Variants in REV3L observed in about 807,000 individuals in gnomAD.
REV3L encodes REV3 like, DNA directed polymerase zeta catalytic subunit.
In REV3L, 69 loss-of-function variants were observed where a neutral mutation model predicts 299.4. The ratio of observed to expected loss-of-function variants is 0.23; its 90% CI spans 0.19 to 0.28. The LOEUF is 0.28. Ranked by LOEUF, REV3L falls within the 10% of genes least tolerant of loss-of-function variation. The pLI, the probability that REV3L is intolerant of heterozygous loss-of-function variation, is 1.00. For missense variants in REV3L, 3,128 were observed against 3,693.8 expected, an observed-to-expected ratio of 0.85 and a Z score of 3.97; for synonymous variants, 1,238 against 1,271.4, an observed-to-expected ratio of 0.97 and a Z score of 0.56.
At chr6:111,322,006 G>A (rs140999336) in intron 26 of REV3L, among the ~76,000 whole-genome samples, 2 of 152,230 alleles carry the variant, frequency 1.3e-5, no homozygotes, top group African/African-American at 2.4e-5. Context: ...TATTAATAAC[G>A]TGCCTTCAAA....
At chr6:111,384,366 G>C (rs1413453755) in intron 9 of REV3L, among the ~76,000 whole-genome samples, 1 of 152,022 alleles carries the variant, frequency 6.6e-6, no homozygotes, top group Non-Finnish European at 1.5e-5. Context: ...CATCTGACAA[G>C]GGATTAATAA....
chr6:111,337,686 T>G (rs1459994945), intron 21 of REV3L, among the ~76,000 whole-genome samples: 1 of 152,186 alleles, frequency 6.6e-6, no homozygotes, highest in Non-Finnish European at 1.5e-5. Flanking sequence ...GTTTTTAAAA[T>G]TATTATGAGT....
In REV3L at chr6:111,482,951, G is replaced by T. The variant is rs1390589430; in HGVS notation, c.-63C>A. 2.1e-6 allele frequency: 3 copies of T among 1,452,492 alleles called. No homozygotes were observed. The highest frequency in any genetic ancestry group is 3.0e-5 in the African/African-American group (2 of 66,574). The allele number at this position is 1,452,492 out of a possible 1,614,324, so 90.0% of individuals were successfully genotyped here. A position where few individuals can be genotyped will look rare whatever the true frequency, so the allele number is the denominator to read the frequency against. ...CCCGGCAGCGGCAGCAGCAGCGGCGGCGGCTCCCTCCGCAGCGGCGGCGGC... is the reference window on the plus strand; with the variant it reads ...CCCGGCAGCGGCAGCAGCAGCGGCGTCGGCTCCCTCCGCAGCGGCGGCGGC... On this transcript the variant is annotated 5_prime_UTR_variant, in exon 1 of 32. Transcript: ENST00000368802.
chr6:111,321,630 T>C (rs915851508), intron 26 of REV3L, among the ~76,000 whole-genome samples: 1 of 152,198 alleles, frequency 6.6e-6, no homozygotes, highest in African/African-American at 2.4e-5. Flanking sequence ...AGCTGCTCTA[T>C]AAGGCAAGGT....
At chr6:111,340,153 T>C (rs771926526) in intron 21 of REV3L, among the ~76,000 whole-genome samples, 2 of 152,156 alleles carry the variant, frequency 1.3e-5, no homozygotes, top group Admixed American at 1.3e-4. Flanking sequence ...TTCTGAAGTT[T>C]TTCTGTGGAC....
chr6:111,329,241 A>G (rs975135099), intron 25 of REV3L, among the ~76,000 whole-genome samples: 23 of 144,602 alleles, frequency 1.6e-4, no homozygotes, highest in Non-Finnish European at 3.1e-4. Context: ...ATGGGGTTTC[A>G]CCCTGTTGAC....
intron 18 of REV3L, among the ~76,000 whole-genome samples, chr6:111,353,242 C>G (rs17539861): frequency 1.3e-5 from 2 of 152,192 alleles, no homozygotes; most frequent in Non-Finnish European, 2.9e-5. Flanking sequence ...ATGACCAGAT[C>G]ACCAGATCTG....
chr6:111,383,572 T>A (rs1781048829), intron 9 of REV3L, among the ~76,000 whole-genome samples: 1 of 152,000 alleles, frequency 6.6e-6, no homozygotes, highest in African/African-American at 2.4e-5. Context: ...ATCCCTACAA[T>A]GAAAACTATA....
At chr6:111,392,715 T>C (rs976187517) in intron 5 of REV3L, 161 bp downstream of exon 5, 2 of 497,976 alleles carry the variant, frequency 4.0e-6, no homozygotes, top group Non-Finnish European at 7.2e-6. Context: ...AAATCGTTTA[T>C]TCCTTGTAAT....
chr6:111,411,682 A>C, intron 2 of REV3L, 128 bp from the exon 3 acceptor site: 1 of 635,612 alleles, frequency 1.6e-6, no homozygotes, highest in Non-Finnish European at 2.6e-6. Context: ...ACCCCCCAAA[A>C]AACAACTAAA....
chr6:111,400,929 T>G (rs1783024985), intron 4 of REV3L, among the ~76,000 whole-genome samples: 2 of 152,196 alleles, frequency 1.3e-5, no homozygotes, highest in South Asian at 4.1e-4. Context: ...CAAAAATATG[T>G]TCTTTTATTT....
At chr6:111,342,592 C>T (rs1218625202) in intron 21 of REV3L, among the ~76,000 whole-genome samples, 8 of 151,236 alleles carry the variant, frequency 5.3e-5, no homozygotes, top group South Asian at 4.2e-4. Flanking sequence ...GGCGTGAACT[C>T]GGGAGGCGGA....
intron 4 of REV3L, among the ~76,000 whole-genome samples, chr6:111,401,301 C>G (rs1230629798): frequency 2.6e-5 from 4 of 152,200 alleles, no homozygotes; most frequent in African/African-American, 9.6e-5. Flanking sequence ...GGACAGTTGT[C>G]TCTGTCCTGC....
At chr6:111,363,806 G>A in intron 16 of REV3L, 47 bp downstream of exon 16, 1 of 1,580,764 alleles carries the variant, frequency 6.3e-7, no homozygotes, top group Non-Finnish European at 8.6e-7. Context: ...AATAAAACAG[G>A]AGTTAAACTG....
intron 25 of REV3L, among the ~76,000 whole-genome samples, chr6:111,322,910 G>GTATAACAGT (rs1457059159): frequency 6.6e-6 from 1 of 152,090 alleles, no homozygotes; most frequent in Non-Finnish European, 1.5e-5. Flanking sequence ...TTGTCTTTGA[G>GTATAACAGT]TATAACAGTA....
At chr6:111,408,051 A>C (rs73765957) in intron 3 of REV3L, among the ~76,000 whole-genome samples, 677 of 152,310 alleles carry the variant, frequency 4.4e-3, no homozygotes, top group South Asian at 0.013. Context: ...ATGTGTGCGT[A>C]TAATTAGCAA....
intron 20 of REV3L, among the ~76,000 whole-genome samples, chr6:111,346,965 A>G (rs1187853746): frequency 6.6e-6 from 1 of 152,136 alleles, no homozygotes; most frequent in Non-Finnish European, 1.5e-5. Flanking sequence ...GCAATATCAG[A>G]CTATACATTA....
intron 16 of REV3L, among the ~76,000 whole-genome samples, chr6:111,362,173 G>A (rs560743303): frequency 6.6e-6 from 1 of 152,088 alleles, no homozygotes; most frequent in African/African-American, 2.4e-5. Context: ...GGCTTCAGGG[G>A]CTAGTATAGA....
intron 1 of REV3L, among the ~76,000 whole-genome samples, chr6:111,476,991 T>C (rs1268422872): frequency 6.6e-6 from 1 of 152,232 alleles, no homozygotes; most frequent in Non-Finnish European, 1.5e-5. Context: ...ATATAAAACA[T>C]ACCTTCCAGA....
Sources: gnomAD v4.1 joint callset for allele counts (sites outside exome capture counted in the v4.1 genomes callset) on GRCh38, gnomAD v4.1.1 for gene constraint, MANE v1.5 for transcripts, NCBI Gene and HGNC (gene_info 2026-07-23, HGNC 2026-07-21) for gene names.